SYT1: variants seen among roughly 807,000 people sequenced by gnomAD.
SYT1 encodes the protein synaptotagmin-1.
Under a neutral mutation model 44.8 loss-of-function variants are expected in SYT1, and 8 were observed. The ratio of observed to expected loss-of-function variants is 0.18; its 90% CI spans 0.10 to 0.32. The LOEUF (loss-of-function observed/expected upper bound fraction) is 0.32, where lower values mean the gene tolerates loss of function less well. Ranked by LOEUF, SYT1 falls within the 10% of genes least tolerant of loss-of-function variation. The pLI, the probability that SYT1 is intolerant of heterozygous loss-of-function variation, is 1.00. For missense variants in SYT1, 286 were observed against 509.3 expected (o/e 0.56, Z 4.22); for synonymous variants, 154 against 188.8 (o/e 0.82, Z 1.51).
At chr12:79,004,069 T>C (rs545205033) in intron 2 of SYT1, among the ~76,000 whole-genome samples, 2 of 152,030 alleles carry the variant, frequency 1.3e-5, no homozygotes, top group East Asian at 3.9e-4. Flanking sequence ...AAAAATCTAA[T>C]ACTCTATCCA....
chr12:79,211,861 T>A (rs1462210513), intron 3 of SYT1, among the ~76,000 whole-genome samples: 5 of 152,126 alleles, frequency 3.3e-5, no homozygotes, highest in African/African-American at 1.2e-4. Context: ...ATCTATAAAG[T>A]ATCCTCCTAA....
At chr12:79,406,098 A>C (rs1025595729) in intron 9 of SYT1, among the ~76,000 whole-genome samples, 3 of 152,170 alleles carry the variant, frequency 2.0e-5, no homozygotes, top group Non-Finnish European at 2.9e-5. Context: ...GACCAAGTGG[A>C]GCATTGCTAA....
chr12:79,022,880 A>G (rs933348858), intron 2 of SYT1, among the ~76,000 whole-genome samples: 1 of 151,820 alleles, frequency 6.6e-6, no homozygotes, highest in Non-Finnish European at 1.5e-5. Context: ...CCCAGGATCT[A>G]GCTTTCGAAA....
chr12:79,173,984 G>C (rs573231211), intron 3 of SYT1, among the ~76,000 whole-genome samples: 1 of 152,134 alleles, frequency 6.6e-6, no homozygotes, highest in South Asian at 2.1e-4. Context: ...AATGAAACCA[G>C]TATCTGTGTC....
intron 4 of SYT1, among the ~76,000 whole-genome samples, chr12:79,280,459 T>C (rs1019000088): frequency 2.6e-5 from 4 of 151,262 alleles, no homozygotes; most frequent in Non-Finnish European, 5.9e-5. Flanking sequence ...TACAGAAGAA[T>C]GAAACTGGAT....
intron 1 of SYT1, among the ~76,000 whole-genome samples, chr12:78,877,433 G>C (rs1438733562): frequency 6.6e-6 from 1 of 151,538 alleles, no homozygotes; most frequent in Non-Finnish European, 1.5e-5. Flanking sequence ...ATGATATCTG[G>C]GTGGGGACAC....
intron 8 of SYT1, among the ~76,000 whole-genome samples, chr12:79,323,625 T>C: frequency 6.6e-6 from 1 of 152,178 alleles, no homozygotes; most frequent in Non-Finnish European, 1.5e-5. Context: ...TGAAATACTA[T>C]ACATACACAT....
chr12:79,017,407 T>C (rs1425990955), intron 2 of SYT1, among the ~76,000 whole-genome samples: 2 of 152,110 alleles, frequency 1.3e-5, no homozygotes, highest in Non-Finnish European at 2.9e-5. Context: ...GAGTCTCTAA[T>C]TGAGACACAT....
intron 3 of SYT1, among the ~76,000 whole-genome samples, chr12:79,063,475 G>A (rs73353529): frequency 0.014 from 2,120 of 152,186 alleles, 52 homozygotes; most frequent in African/African-American, 0.047. Context: ...ATCCCAGCCC[G>A]TGGCATCTCT....
intron 4 of SYT1, among the ~76,000 whole-genome samples, chr12:79,255,715 G>T (rs1307334707): frequency 6.6e-6 from 1 of 152,198 alleles, no homozygotes; most frequent in Non-Finnish European, 1.5e-5. Context: ...CCTTCTACAA[G>T]ACTCTGTGGA....
rs181233110 is a variant in SYT1 at position 79,313,517 on chromosome 12, G to C, written c.810+13966G>C. 1.6e-3 allele frequency among the ~76,000 whole-genome samples: 244 copies of C among 149,890 alleles called. 1 individual carries two copies. Among genetic ancestry groups the C allele is most frequent in the African/African-American group, 5.7e-3 (233 of 40,766 alleles). On this transcript the variant is annotated intron_variant, in intron 8 of 10. Transcript: ENST00000261205. ...CAAGTTTTTGGTCCAAATTGTGTAG[G>C]ATAAGTTAACCTTAAATTGCATTCT...
chr12:79,240,495 A>G (rs902239918), intron 4 of SYT1, among the ~76,000 whole-genome samples: 5 of 152,176 alleles, frequency 3.3e-5, no homozygotes, highest in Admixed American at 6.5e-5. Context: ...AATGAAAGCT[A>G]TATCAGTTCA....
At chr12:78,990,859 T>C (rs1869966791) in intron 2 of SYT1, among the ~76,000 whole-genome samples, 1 of 152,170 alleles carries the variant, frequency 6.6e-6, no homozygotes, top group Non-Finnish European at 1.5e-5. Flanking sequence ...GTATGCACGC[T>C]GCAGCTCAAG....
intron 3 of SYT1, among the ~76,000 whole-genome samples, chr12:79,086,177 C>CCAT (rs937670122): frequency 1.3e-5 from 2 of 151,944 alleles, no homozygotes; most frequent in Non-Finnish European, 2.9e-5. Context: ...TTTACCATCA[C>CCAT]CATCATCATC....
chr12:79,190,881 A>G (rs1236217351), intron 3 of SYT1, among the ~76,000 whole-genome samples: 4 of 152,114 alleles, frequency 2.6e-5, no homozygotes, highest in Middle Eastern at 3.4e-3. Context: ...CATGTTTTGT[A>G]TCTACAAAGA....
At chr12:79,020,973 A>G (rs1234843071) in intron 2 of SYT1, among the ~76,000 whole-genome samples, 4 of 151,966 alleles carry the variant, frequency 2.6e-5, no homozygotes, top group Non-Finnish European at 5.9e-5. Context: ...CGTTGGTGCT[A>G]AACTTTTAAC....
intron 7 of SYT1, among the ~76,000 whole-genome samples, chr12:79,298,933 T>C (rs1879999175): frequency 6.6e-6 from 1 of 152,158 alleles, no homozygotes; most frequent in Non-Finnish European, 1.5e-5. Context: ...AACTGTGGCA[T>C]TTAAATGCCT....
At chr12:79,311,737 A>G (rs1439484796) in intron 8 of SYT1, among the ~76,000 whole-genome samples, 2 of 146,844 alleles carry the variant, frequency 1.4e-5, no homozygotes, top group African/African-American at 2.5e-5. Flanking sequence ...ATGAAATTGG[A>G]AATCATCATT....
At chr12:79,414,319 C>T (rs1466245843) in intron 9 of SYT1, among the ~76,000 whole-genome samples, 4 of 151,956 alleles carry the variant, frequency 2.6e-5, no homozygotes, top group African/African-American at 9.7e-5. Flanking sequence ...TGGGTGTGTA[C>T]CAGGAAGTGG....
Sources: allele counts gnomAD v4.1 joint callset (sites outside exome capture counted in the v4.1 genomes callset), GRCh38; gene constraint gnomAD v4.1.1; transcripts MANE v1.5; gene names NCBI Gene and HGNC (gene_info 2026-07-23, HGNC 2026-07-21).